The following ZNF684 variants were observed in gnomAD, a reference collection of about 807,000 sequenced individuals.
ZNF684 encodes the protein hypothetical protein MGC27466.
In ZNF684, 13 loss-of-function variants were observed where a neutral mutation model predicts 12.8. That is an observed-to-expected ratio of 1.02 (90% confidence interval 0.66 to 1.62). The LOEUF (loss-of-function observed/expected upper bound fraction) is 1.62, where lower values mean the gene tolerates loss of function less well. Among genes scored for constraint, ZNF684 ranks in the 40% most tolerant of loss-of-function variants. The pLI is 0.00. For missense variants in ZNF684, 384 were observed against 446.9 expected (o/e 0.86, Z 1.27); for synonymous variants, 118 against 151.8 (o/e 0.78, Z 1.64).
At chr1:40,539,701 G>T (rs1482113033) in intron 2 of ZNF684, among the ~76,000 whole-genome samples, 1 of 151,802 alleles carries the variant, frequency 6.6e-6, no homozygotes. Context: ...TTTCACTAAT[G>T]ACTAATAATT....
intron 3 of ZNF684, among the ~76,000 whole-genome samples, chr1:40,541,043 A>AG (rs1381195755): frequency 6.6e-6 from 1 of 151,586 alleles, no homozygotes; most frequent in Admixed American, 6.6e-5. Context: ...AAAAAAAAAA[A>AG]AAAAAAAATC....
chr1:40,542,037 T>G (rs1229147671), intron 4 of ZNF684, among the ~76,000 whole-genome samples: 2 of 152,158 alleles, frequency 1.3e-5, no homozygotes, highest in Non-Finnish European at 2.9e-5. Context: ...AACATCGATC[T>G]TTTTCTATAT....
chr1:40,546,514 GT>G, intron 4 of ZNF684, 47 bp from the exon 5 acceptor site: 1 of 1,490,504 alleles, frequency 6.7e-7, no homozygotes. Context: ...TCTATAGCAT[GT>G]TGATGGGAAA....
At position 40,541,699 on chromosome 1, in the gene ZNF684, A is replaced by T. The variant is rs765545412; in HGVS notation, c.227A>T (p.Glu76Val). The T allele has an allele frequency of 6.2e-7, 1 of 1,612,630 alleles. No individual in the cohort carries two copies. The highest frequency in any genetic ancestry group is 1.3e-5 in the African/African-American group (1 of 74,872). ...ATGGTGGAGGGAGCGAATCCACACGAGAGCTCTCCAGGTGAGTGAGAGAAA... is the reference window on the plus strand; with the variant it reads ...ATGGTGGAGGGAGCGAATCCACACGTGAGCTCTCCAGGTGAGTGAGAGAAA... The part of the protein sequence containing the change: ...PWMVEGANPH[E>V]SSPESDYPLV... The change falls in exon 4 of 5, where the codon GAG becomes GTG. Residue 76 changes from glutamate to valine, a missense_variant. Transcript: ENST00000372699.
In ZNF684 at chr1:40,540,343, A is replaced by C. The variant is rs1646007586; in HGVS notation, c.16-243A>C. ...TTGCATGTGGATGTCTAGTGGTCTC[A>C]GTACCATTTGTTGAAAAGACTTTTT... On this transcript the variant is annotated intron_variant, in intron 2 of 4. Coordinates refer to ENST00000372699, the MANE Select transcript of ZNF684 (RefSeq NM_152373.4). Among the ~76,000 whole-genome samples the C allele has an allele frequency of 2.0e-5, 3 of 152,310 alleles. No individual in the cohort carries two copies. In the South Asian group the frequency reaches 6.2e-4, roughly 32 times the overall value.
chr1:40,532,998 C>T, intron 1 of ZNF684, 145 bp from the exon 2 acceptor site: 1 of 601,052 alleles, frequency 1.7e-6, no homozygotes, highest in Non-Finnish European at 2.9e-6. Flanking sequence ...TTCTGTCTTG[C>T]TAGAAATGTC....
Position 40,533,182 on chromosome 1 carries a change from G to C in ZNF684, c.15+1G>C, listed in dbSNP as rs748870723. 1.2e-6 allele frequency: 2 copies of C among 1,613,226 alleles called. No individual in the cohort carries two copies. The highest frequency in any genetic ancestry group is 2.7e-5 in the African/African-American group (2 of 74,858). ...GCTGCAGAAAATGATCAGCTTCCAGGTAAGGTATCCATCTATTCATCCAGT... is the reference window on the plus strand; with the variant it reads ...GCTGCAGAAAATGATCAGCTTCCAGCTAAGGTATCCATCTATTCATCCAGT... On this transcript the variant is annotated splice_donor_variant, in intron 2 of 4. Transcript: ENST00000372699. LOFTEE classifies it high-confidence loss of function.
intron 1 of ZNF684, 125 bp from the exon 2 acceptor site, chr1:40,533,018 C>G (rs1448274573): frequency 3.1e-6 from 2 of 654,200 alleles, no homozygotes; most frequent in Non-Finnish European, 5.3e-6. Context: ...CATTCTCCCC[C>G]ACTAGGTGGC....
chr1:40,541,626 A>G lies in ZNF684; in HGVS notation c.154A>G (p.Thr52Ala). ...TTTCCCACCAACAGGATGTCCAATT[A>G]CCAAAACAAAAGTGATCCTCAAGGT... ...RNLISVGCPI[T>A]KTKVILKVEQ... Residue 52 changes from threonine (T) to alanine (A), a missense_variant, in exon 4 of 5, where the codon ACC (threonine) becomes GCC (alanine). Physicochemically the swap from Thr to Ala is moderately conservative, Grantham distance 58. Coordinates refer to ENST00000372699, the MANE Select transcript of ZNF684 (RefSeq NM_152373.4). 1 of 1,612,928 alleles carries G rather than the reference A, an allele frequency of 6.2e-7. No homozygotes were observed. Among genetic ancestry groups the G allele is most frequent in the Non-Finnish European group, 8.5e-7 (1 of 1,179,298 alleles).
intron 2 of ZNF684, 106 bp downstream of exon 2, chr1:40,533,287 T>C: frequency 1.9e-5 from 22 of 1,174,924 alleles, no homozygotes; most frequent in Non-Finnish European, 2.7e-5. Context: ...AAAGATCAAG[T>C]CTAAAAGGAA....
intron 4 of ZNF684, chr1:40,545,187 G>A (rs1392786646): frequency 6.6e-6 from 1 of 152,290 alleles, no homozygotes; most frequent in African/African-American, 2.4e-5. Context: ...AAAGAAATGT[G>A]TACCAATGGC....
intron 2 of ZNF684, among the ~76,000 whole-genome samples, chr1:40,537,571 C>T (rs1464956786): frequency 2.0e-5 from 3 of 152,036 alleles, no homozygotes; most frequent in African/African-American, 7.2e-5. Flanking sequence ...GAAACTCCGT[C>T]TCTACTAAAA....
Position 40,547,338 on chromosome 1 carries a change from A to G in ZNF684, c.1015A>G (p.Lys339Glu), listed in dbSNP as rs770079583. 6.2e-7 allele frequency: 1 copy of G among 1,613,954 alleles called. No individual in the cohort carries two copies. The highest frequency in any genetic ancestry group is 8.5e-7 in the Non-Finnish European group (1 of 1,179,956). The change falls in exon 5 of 5, where the codon AAG becomes GAG. Residue 339 changes from lysine (K) to glutamate (E), a missense_variant. Lys to Glu is a moderately conservative substitution (Grantham distance 56). Coordinates refer to ENST00000372699, the MANE Select transcript of ZNF684 (RefSeq NM_152373.4). Reference sequence around the variant, plus strand: ...TGAATGTGGCAAAGCCTTCATCAAGAAGTCCCATCTCCTCAGACATCAGAT... The same window carrying G: ...TGAATGTGGCAAAGCCTTCATCAAGGAGTCCCATCTCCTCAGACATCAGAT... ...CIECGKAFIK[K>E]SHLLRHQITH...
At chr1:40,532,509 CTG>C (rs1340876059) in intron 1 of ZNF684, among the ~76,000 whole-genome samples, 1 of 152,028 alleles carries the variant, frequency 6.6e-6, no homozygotes, top group Non-Finnish European at 1.5e-5. Flanking sequence ...CCAGTGCAGA[CTG>C]TGTAAATGAA....
At chr1:40,539,111 C>T (rs1273526364) in intron 2 of ZNF684, among the ~76,000 whole-genome samples, 2 of 151,686 alleles carry the variant, frequency 1.3e-5, no homozygotes, top group Non-Finnish European at 2.9e-5. Context: ...CTCACTGCAA[C>T]CTCCGCCTCT....
At chr1:40,541,985 TG>T (rs1484324748) in intron 4 of ZNF684, among the ~76,000 whole-genome samples, 1 of 152,210 alleles carries the variant, frequency 6.6e-6, no homozygotes, top group Non-Finnish European at 1.5e-5. Flanking sequence ...GCTTTGTTTA[TG>T]TTCTCTTAAT....
chr1:40,545,687 TTGGGGTTAGAGGAC>T (rs1646042661), intron 4 of ZNF684, among the ~76,000 whole-genome samples: 1 of 152,056 alleles, frequency 6.6e-6, no homozygotes, highest in African/African-American at 2.4e-5. Flanking sequence ...TGTGGTTTGC[TTGGGGTTAGAGGAC>T]TGGAGATTTG....
At chr1:40,536,530 T>C (rs1455177010) in intron 2 of ZNF684, among the ~76,000 whole-genome samples, 6 of 145,676 alleles carry the variant, frequency 4.1e-5, no homozygotes, top group Non-Finnish European at 9.0e-5. Context: ...TTTTTTTTTA[T>C]ACTTTAAGTT....
chr1:40,539,751 T>G (rs938611664), intron 2 of ZNF684, among the ~76,000 whole-genome samples: 5 of 151,828 alleles, frequency 3.3e-5, no homozygotes, highest in Admixed American at 1.3e-4. Flanking sequence ...TTTTTTTTTC[T>G]TTCTTGCTTC....
Sources: gnomAD v4.1 joint callset for allele counts (sites outside exome capture counted in the v4.1 genomes callset) on GRCh38, gnomAD v4.1.1 for gene constraint, MANE v1.5 for transcripts, NCBI Gene and HGNC (gene_info 2026-07-23, HGNC 2026-07-21) for gene names.